The following EBPL variants were observed in gnomAD, a reference collection of about 807,000 sequenced individuals.
EBPL encodes EBP like.
EBPL carries 20 observed loss-of-function variants against 19.0 expected under a neutral mutation model. That is an observed-to-expected ratio of 1.05 (90% CI 0.74 to 1.53). The LOEUF is 1.53. Among genes scored for constraint, EBPL ranks in the 40% most tolerant of loss-of-function variants. The pLI, the probability that EBPL is intolerant of heterozygous loss-of-function variation, is 0.00. For synonymous variants in EBPL, 107 were observed against 117.0 expected, an observed-to-expected ratio of 0.91 and a Z score of 0.55; for missense variants, 219 against 261.1, an observed-to-expected ratio of 0.84 and a Z score of 1.11.
In EBPL at chr13:49,661,070, G is replaced by GT. The variant is rs752898216; in HGVS notation, c.518dup (p.Asn173LysfsTer48). On this transcript the variant is annotated frameshift_variant, in exon 4 of 4. Transcript: ENST00000242827. LOFTEE classifies it high-confidence loss of function. ...GTCCTGGGATCAGAACCCACACACCGTTAAAAAAAAACAGGTAAAGCCAAC... is the reference window on the plus strand; with the variant it reads ...GTCCTGGGATCAGAACCCACACACCGTTTAAAAAAAAACAGGTAAAGCCAAC... 2.5e-6 allele frequency: 4 copies of GT among 1,613,826 alleles called. No homozygotes were observed. Among genetic ancestry groups the GT allele is most frequent in the Admixed American group, 1.7e-5 (1 of 59,956 alleles).
Position 49,691,438 on chromosome 13 carries a change from G to T in EBPL, c.-14C>A, listed in dbSNP as rs750778396. 1 of 1,332,232 alleles carries T rather than the reference G, an allele frequency of 7.5e-7. No homozygotes were observed. Among genetic ancestry groups the T allele is most frequent in the Non-Finnish European group, 9.6e-7 (1 of 1,043,464 alleles). 82.5% of individuals were successfully genotyped at this position (1,332,232 alleles called of 1,614,324 possible). ...CTCAGCGCCCATGCTTCAGGCTTCC[G>T]ACGCCAACGGCCCAGGACCATGCGG... On this transcript the variant is annotated 5_prime_UTR_variant, in exon 1 of 4. Coordinates refer to ENST00000242827, the MANE Select transcript of EBPL (RefSeq NM_032565.5).
intron 1 of EBPL, among the ~76,000 whole-genome samples, chr13:49,679,004 T>A (rs1566319497): frequency 3.6e-4 from 1 of 2,788 alleles, no homozygotes. Context: ...TGAGACTCCG[T>A]CTAAAAAAAA....
chr13:49,676,116 G>C (rs1005796450), intron 1 of EBPL, among the ~76,000 whole-genome samples: 1 of 152,188 alleles, frequency 6.6e-6, no homozygotes, highest in Non-Finnish European at 1.5e-5. Flanking sequence ...AAACCACTGG[G>C]CTAGACTGCC....
Position 49,663,002 on chromosome 13 carries a change from G to T in EBPL, c.380+55C>A, listed in dbSNP as rs571500331. Reference sequence around the variant, plus strand: ...AACCTACTCCAAAGGTCACCTAAGTGTTGGGACATGTAATGTCTCCCCTCC... The same window carrying T: ...AACCTACTCCAAAGGTCACCTAAGTTTTGGGACATGTAATGTCTCCCCTCC... On this transcript the variant is annotated intron_variant, in intron 3 of 3. Coordinates refer to ENST00000242827, the MANE Select transcript of EBPL (RefSeq NM_032565.5). 27 of 1,605,710 alleles carry T rather than the reference G, an allele frequency of 1.7e-5. No homozygotes were observed. In the East Asian group the frequency reaches 2.2e-4, roughly 13 times the overall value.
chr13:49,691,373 ACAG>A lies in EBPL; in HGVS notation c.49_51del (p.Leu17del), dbSNP rs1322411593. Reference sequence around the variant, plus strand: ...CAGCCCGCCGCCAGCAGCGCGGCGCACAGCAGCAGCGAACCGCCAGCCTCGGCC... The same window carrying A: ...CAGCCCGCCGCCAGCAGCGCGGCGCACAGCAGCGAACCGCCAGCCTCGGCC... On this transcript the variant is annotated inframe_deletion, in exon 1 of 4. Transcript: ENST00000242827. The A allele has an allele frequency of 7.3e-7, 1 of 1,363,390 alleles. No individual in the cohort carries two copies. The highest frequency in any genetic ancestry group is 2.9e-5 in the Admixed American group (1 of 34,748). The allele number at this position is 1,363,390 out of a possible 1,614,324, so 84.5% of individuals were successfully genotyped here.
At chr13:49,690,457 T>A (rs1373757132) in intron 1 of EBPL, among the ~76,000 whole-genome samples, 1 of 143,794 alleles carries the variant, frequency 7.0e-6, no homozygotes, top group Non-Finnish European at 1.5e-5. Flanking sequence ...GGGCATAGTT[T>A]AAAAAAAACT....
intron 1 of EBPL, among the ~76,000 whole-genome samples, chr13:49,683,583 G>A (rs1196140175): frequency 2.6e-5 from 4 of 152,070 alleles, no homozygotes; most frequent in Admixed American, 2.6e-4. Flanking sequence ...ACAAGCCTGA[G>A]CCACTGCACC....
At chr13:49,674,654 C>G (rs572290770) in intron 1 of EBPL, among the ~76,000 whole-genome samples, 19 of 150,016 alleles carry the variant, frequency 1.3e-4, no homozygotes, top group African/African-American at 4.7e-4. Flanking sequence ...GCTCTGGCCT[C>G]AGAGAGCTTA....
At chr13:49,683,804 C>G (rs912803952) in intron 1 of EBPL, among the ~76,000 whole-genome samples, 1 of 152,104 alleles carries the variant, frequency 6.6e-6, no homozygotes, top group Non-Finnish European at 1.5e-5. Context: ...ATGGCAGTTT[C>G]TACTAAACTG....
At chr13:49,680,916 A>G (rs1953936120) in intron 1 of EBPL, among the ~76,000 whole-genome samples, 1 of 152,178 alleles carries the variant, frequency 6.6e-6, no homozygotes, top group Non-Finnish European at 1.5e-5. Context: ...GCAAAGGATA[A>G]AAGCCTCTCT....
chr13:49,661,312 T>C (rs996182200), intron 3 of EBPL, 104 bp from the exon 4 acceptor site: 5 of 943,816 alleles, frequency 5.3e-6, no homozygotes, highest in African/African-American at 1.6e-5. Flanking sequence ...GTCTTCGCTA[T>C]GAAAACCGTC....
intron 1 of EBPL, among the ~76,000 whole-genome samples, chr13:49,678,685 A>G (rs560205494): frequency 3.3e-5 from 5 of 151,896 alleles, no homozygotes; most frequent in African/African-American, 1.2e-4. Context: ...CCACAAGCAA[A>G]GGGAGCCGCT....
chr13:49,680,525 C>T (rs1390684248), intron 1 of EBPL, among the ~76,000 whole-genome samples: 1 of 152,166 alleles, frequency 6.6e-6, no homozygotes, highest in Admixed American at 6.6e-5. Flanking sequence ...AAATTGTTCA[C>T]TGTAAAACTT....
At chr13:49,667,353 G>A (rs527439302) in intron 2 of EBPL, among the ~76,000 whole-genome samples, 4 of 152,154 alleles carry the variant, frequency 2.6e-5, no homozygotes, top group East Asian at 1.9e-4. Flanking sequence ...ACTAAGGGTC[G>A]GGGTAGATTT....
chr13:49,679,050 C>T (rs2137503008), intron 1 of EBPL, among the ~76,000 whole-genome samples: 1 of 146,278 alleles, frequency 6.8e-6, no homozygotes, highest in East Asian at 2.0e-4. Flanking sequence ...ATAAAATCTG[C>T]TCTAACCACA....
intron 1 of EBPL, among the ~76,000 whole-genome samples, chr13:49,678,328 C>T (rs939993339): frequency 1.9e-4 from 29 of 152,250 alleles, no homozygotes; most frequent in Admixed American, 2.0e-4. Context: ...CTGCGCCGCG[C>T]GCCGGCACTC....
chr13:49,663,990 G>A lies in EBPL; in HGVS notation c.242-795C>T, dbSNP rs55769723. On this transcript the variant is annotated intron_variant, in intron 2 of 3. Transcript: ENST00000242827. ...TTCTTGGCCAGGCACGGTGGCTCAC[G>A]CCTGTAATCCCAGCACTTTGGGAGG... Among the ~76,000 whole-genome samples the A allele has an allele frequency of 7.5e-3, 1,117 of 148,950 alleles. 19 individuals are homozygous for A. Among genetic ancestry groups the A allele is most frequent in the African/African-American group, 0.026 (1,069 of 40,470 alleles).
chr13:49,670,292 C>A (rs575081716), intron 1 of EBPL, among the ~76,000 whole-genome samples: 1 of 152,126 alleles, frequency 6.6e-6, no homozygotes, highest in Non-Finnish European at 1.5e-5. Context: ...CAGCATTGAG[C>A]AATCCTCCCC....
At chr13:49,674,587 CTT>C (rs10683884) in intron 1 of EBPL, among the ~76,000 whole-genome samples, 2 of 139,656 alleles carry the variant, frequency 1.4e-5, no homozygotes. Flanking sequence ...AATGAATGGG[CTT>C]TTTTTTTTTT....
Sources: gnomAD v4.1 joint callset for allele counts (sites outside exome capture counted in the v4.1 genomes callset) on GRCh38, gnomAD v4.1.1 for gene constraint, MANE v1.5 for transcripts, NCBI Gene and HGNC (gene_info 2026-07-23, HGNC 2026-07-21) for gene names.